The following FREM3 variants were observed in gnomAD, a reference collection of about 807,000 sequenced individuals.
FREM3 encodes FRAS1 related extracellular matrix 3.
Under a neutral mutation model 129.1 loss-of-function variants are expected in FREM3, and 105 were observed. That is an observed-to-expected ratio of 0.81 (90% confidence interval 0.69 to 0.96). FREM3 has a LOEUF of 0.96. Among genes scored for constraint, FREM3 ranks in the 40% least tolerant of loss-of-function variants. The pLI is 0.00. For missense variants in FREM3, 2,593 were observed against 2,666.3 expected (o/e 0.97, Z 0.61); for synonymous variants, 1,014 against 1,044.9 (o/e 0.97, Z 0.57).
chr4:143,676,960 A>G (rs534131622), intron 2 of FREM3, among the ~76,000 whole-genome samples: 4 of 152,388 alleles, frequency 2.6e-5, no homozygotes, highest in South Asian at 4.1e-4. Context: ...GAAAATGGCC[A>G]TACTACCCAA....
chr4:143,692,683 T>G (rs1740494286), intron 2 of FREM3, among the ~76,000 whole-genome samples: 1 of 152,128 alleles, frequency 6.6e-6, no homozygotes. Flanking sequence ...CAGAAAGATT[T>G]CAAGTCTAAG....
intron 2 of FREM3, among the ~76,000 whole-genome samples, chr4:143,631,211 A>G (rs942205674): frequency 6.6e-6 from 1 of 152,170 alleles, no homozygotes; most frequent in Non-Finnish European, 1.5e-5. Flanking sequence ...CAAAGACAAT[A>G]TTATTTGATT....
At position 143,585,036 on chromosome 4, in the gene FREM3, A is replaced by G. The variant is rs1051912506; in HGVS notation, c.6178+808T>C. Among the ~76,000 whole-genome samples, 3 of 152,244 alleles carry G rather than the reference A, an allele frequency of 2.0e-5. No homozygotes were observed. Among genetic ancestry groups the G allele is most frequent in the African/African-American group, 7.2e-5 (3 of 41,468 alleles). ...CTGCTCCTGAATGACTTCTGGGTAA[A>G]CAATGTAATTAAGGCAGAAACCAAG... is the stretch of plus-strand genomic sequence containing the variant. On this transcript the variant is annotated intron_variant, in intron 7 of 7. Coordinates refer to ENST00000329798, the MANE Select transcript of FREM3 (RefSeq NM_001168235.2). This position sits in a 1 kb window ranked among gnomAD's most constrained non-coding sequence, Gnocchi z 4.2.
At chr4:143,582,817 C>G (rs1738170446) in intron 7 of FREM3, among the ~76,000 whole-genome samples, 1 of 151,838 alleles carries the variant, frequency 6.6e-6, no homozygotes, top group Admixed American at 6.6e-5. Flanking sequence ...AAAGAACCAA[C>G]AGATCTGATA....
intron 2 of FREM3, among the ~76,000 whole-genome samples, chr4:143,684,923 C>T (rs1740330558): frequency 1.3e-5 from 2 of 151,858 alleles, no homozygotes; most frequent in African/African-American, 4.8e-5. Flanking sequence ...AGCTCAAAGA[C>T]AATGTCTTCA....
intron 2 of FREM3, among the ~76,000 whole-genome samples, chr4:143,649,688 C>T (rs112715675): frequency 6.6e-6 from 1 of 152,108 alleles, no homozygotes; most frequent in Non-Finnish European, 1.5e-5. Context: ...TTTTTTCTCA[C>T]CTTGTCTGTC....
In FREM3 at chr4:143,647,955, C is replaced by T. The variant is rs7684493; in HGVS notation, c.5276-20195G>A. ...AGCTTACACCGTGTGCCTGGAAAAG[C>T]TGTAGACACTCAATGCCAACCCATG... is the stretch of plus-strand genomic sequence containing the variant. On this transcript the variant is annotated intron_variant, in intron 2 of 7. Transcript: ENST00000329798. Among the ~76,000 whole-genome samples the T allele has an allele frequency of 6.7e-3, 1,019 of 152,314 alleles. 15 individuals carry two copies. Among genetic ancestry groups the T allele is most frequent in the African/African-American group, 0.023 (975 of 41,570 alleles).
intron 2 of FREM3, among the ~76,000 whole-genome samples, chr4:143,676,036 T>C (rs2149857408): frequency 6.6e-6 from 1 of 152,306 alleles, no homozygotes; most frequent in East Asian, 1.9e-4. Flanking sequence ...CCCTAACTCA[T>C]TTTATGAAGC....
At chr4:143,680,200 C>T (rs1386979635) in intron 2 of FREM3, among the ~76,000 whole-genome samples, 2 of 151,210 alleles carry the variant, frequency 1.3e-5, no homozygotes, top group East Asian at 3.9e-4. Flanking sequence ...TTGCTGTATA[C>T]ATTTTAGACC....
At chr4:143,638,835 C>G (rs755682457) in intron 2 of FREM3, among the ~76,000 whole-genome samples, 1 of 152,118 alleles carries the variant, frequency 6.6e-6, no homozygotes, top group Non-Finnish European at 1.5e-5. Context: ...TCTGAGGCAG[C>G]AAAAGGAAAT....
At chr4:143,634,633 G>C (rs187828248) in intron 2 of FREM3, among the ~76,000 whole-genome samples, 6 of 152,216 alleles carry the variant, frequency 3.9e-5, no homozygotes, top group African/African-American at 7.2e-5. Context: ...CTCCGACTGA[G>C]AGTCCCCTTC....
rs1374552082 is a variant in FREM3 at position 143,698,039 on chromosome 4, G to C, written c.2637C>G (p.Tyr879Ter). 6.5e-7 allele frequency: 1 copy of C among 1,537,332 alleles called. No individual in the cohort carries two copies. Among genetic ancestry groups the C allele is most frequent in the Non-Finnish European group, 8.7e-7 (1 of 1,146,938 alleles). Residue 879 changes from tyrosine to a stop codon, truncating the protein, a stop_gained, in exon 1 of 8, where the codon TAC becomes TAG. Coordinates refer to ENST00000329798, the MANE Select transcript of FREM3 (RefSeq NM_001168235.2). LOFTEE classifies it high-confidence loss of function. ...CCCCTGGGACCATACATCTTTTAAAGTACTGCAAGTGTCCATGTTGGGGAC... is the reference window on the plus strand; with the variant it reads ...CCCCTGGGACCATACATCTTTTAAACTACTGCAAGTGTCCATGTTGGGGAC... Reference protein sequence around the residue: ...VRGPQHGHLQYFKRCMVPGES... With the variant: ...VRGPQHGHLQ
intron 6 of FREM3, among the ~76,000 whole-genome samples, chr4:143,589,354 T>C (rs574709996): frequency 6.6e-6 from 1 of 152,320 alleles, no homozygotes; most frequent in African/African-American, 2.4e-5. Flanking sequence ...GGTTTTTTTC[T>C]AGGGTTTTTA....
chr4:143,597,766 A>G (rs1350657212), intron 6 of FREM3, among the ~76,000 whole-genome samples: 1 of 152,240 alleles, frequency 6.6e-6, no homozygotes, highest in Non-Finnish European at 1.5e-5. Flanking sequence ...TGATAAAAAA[A>G]TTAAAGAAGA....
intron 2 of FREM3, among the ~76,000 whole-genome samples, chr4:143,650,310 G>T (rs1036240823): frequency 6.6e-6 from 1 of 152,190 alleles, no homozygotes; most frequent in African/African-American, 2.4e-5. Flanking sequence ...CAAAGCTCTT[G>T]TTCAGGAGAT....
chr4:143,688,826 T>TA (rs1014468477), intron 2 of FREM3, among the ~76,000 whole-genome samples: 4 of 152,126 alleles, frequency 2.6e-5, no homozygotes, highest in Non-Finnish European at 5.9e-5. Flanking sequence ...TAGCCACATG[T>TA]AGGCAAATGA....
chr4:143,669,809 AATTTCAACTTTT>A (rs1739934382), intron 2 of FREM3, among the ~76,000 whole-genome samples: 1 of 151,992 alleles, frequency 6.6e-6, no homozygotes, highest in South Asian at 2.1e-4. Context: ...TATATTTTTA[AATTTCAACTTTT>A]ATTTTAGACA....
intron 3 of FREM3, among the ~76,000 whole-genome samples, chr4:143,625,902 CATT>C (rs112988228): frequency 0.019 from 2,869 of 152,292 alleles, 94 homozygotes; most frequent in African/African-American, 0.065. Flanking sequence ...GATTTATAAT[CATT>C]ATTACGAATT....
chr4:143,690,893 G>A (rs750014923), intron 2 of FREM3, among the ~76,000 whole-genome samples: 2 of 152,168 alleles, frequency 1.3e-5, no homozygotes, highest in Non-Finnish European at 2.9e-5. Context: ...CATGCCTGTA[G>A]TACCAGCTAC....
Sources: gnomAD v4.1 joint callset for allele counts (sites outside exome capture counted in the v4.1 genomes callset) on GRCh38, gnomAD v4.1.1 for gene constraint, Gnocchi (gnomAD v3.1) non-coding constraint, MANE v1.5 for transcripts, NCBI Gene and HGNC (gene_info 2026-07-23, HGNC 2026-07-21) for gene names.